Variants in DPYSL3 observed in about 807,000 individuals in gnomAD.
The protein encoded by DPYSL3 is dihydropyrimidinase like 3.
Under a neutral mutation model 66.1 loss-of-function variants are expected in DPYSL3, and 16 were observed. That is an observed-to-expected ratio of 0.24 (90% CI 0.16 to 0.37). DPYSL3 has a LOEUF of 0.37. Among genes scored for constraint, DPYSL3 ranks in the 10% least tolerant of loss-of-function variants. The pLI is 1.00. For synonymous variants in DPYSL3, 338 were observed against 345.1 expected (o/e 0.98, Z 0.23); for missense variants, 738 against 916.2 (o/e 0.81, Z 2.51).
intron 1 of DPYSL3, among the ~76,000 whole-genome samples, chr5:147,443,066 C>T (rs1029471696): frequency 1.3e-5 from 2 of 152,114 alleles, no homozygotes; most frequent in Non-Finnish European, 2.9e-5. Flanking sequence ...AGGTGGGTAC[C>T]ACTTGGGTGT....
At chr5:147,401,492 A>C (rs1259175089) in intron 9 of DPYSL3, 48 bp downstream of exon 9, 6 of 1,561,804 alleles carry the variant, frequency 3.8e-6, no homozygotes, top group Admixed American at 1.9e-5. Context: ...AGCTGGACTC[A>C]AGAGATGTTT....
At chr5:147,394,218 G>A (rs567050468) in intron 13 of DPYSL3, 95 bp from the exon 14 acceptor site, 26 of 1,290,202 alleles carry the variant, frequency 2.0e-5, no homozygotes, top group Non-Finnish European at 2.8e-5. Flanking sequence ...TTTTAAGAGT[G>A]CAAGATATGA....
intron 1 of DPYSL3, among the ~76,000 whole-genome samples, chr5:147,497,250 T>TGGG (rs1435685485): frequency 2.3e-5 from 1 of 42,588 alleles, no homozygotes; most frequent in African/African-American, 9.5e-5. Context: ...GGGACTGTTG[T>TGGG]GGGGTGGGGG....
rs1287744319 is a variant in DPYSL3 at position 147,455,293 on chromosome 5, C to G, written c.382-30330G>C. Reference sequence around the variant, plus strand: ...ACAAAGCCCCCCTTAAACACTCCCTCTCAAGTGAGTTAATCCAAGCTTCTG... The same window carrying G: ...ACAAAGCCCCCCTTAAACACTCCCTGTCAAGTGAGTTAATCCAAGCTTCTG... On this transcript the variant is annotated intron_variant, in intron 1 of 13. Transcript: ENST00000343218. Among the ~76,000 whole-genome samples the G allele has an allele frequency of 2.0e-5, 3 of 152,218 alleles. No homozygotes were observed. The East Asian group carries it at 5.8e-4, about 29-fold the overall frequency.
chr5:147,447,123 G>A (rs182980700), intron 1 of DPYSL3, among the ~76,000 whole-genome samples: 1 of 152,338 alleles, frequency 6.6e-6, no homozygotes. Flanking sequence ...GTTGCTGTGA[G>A]TTAAATGAGA....
chr5:147,411,064 G>A (rs183251211), intron 6 of DPYSL3, among the ~76,000 whole-genome samples: 1 of 152,310 alleles, frequency 6.6e-6, no homozygotes, highest in East Asian at 1.9e-4. Flanking sequence ...TGGTTTCCAG[G>A]GAAGCTGAAA....
At chr5:147,419,749 A>G (rs549227460) in intron 2 of DPYSL3, among the ~76,000 whole-genome samples, 3 of 152,332 alleles carry the variant, frequency 2.0e-5, no homozygotes, top group South Asian at 4.1e-4. Context: ...ACTAAAATAA[A>G]GTATTCCTGA....
chr5:147,469,179 T>C (rs759006921), intron 1 of DPYSL3, among the ~76,000 whole-genome samples: 4 of 152,158 alleles, frequency 2.6e-5, no homozygotes, highest in Non-Finnish European at 5.9e-5. Context: ...ATTTTCCCCT[T>C]CTCCAGTAAT....
At chr5:147,490,221 G>A in intron 1 of DPYSL3, among the ~76,000 whole-genome samples, 1 of 152,146 alleles carries the variant, frequency 6.6e-6, no homozygotes, top group East Asian at 1.9e-4. Context: ...GAAGTAGAAA[G>A]CATCTATCCC....
Position 147,424,926 on chromosome 5 carries a change from T to C in DPYSL3, c.419A>G (p.Asn140Ser), listed in dbSNP as rs1426127055. The change falls in exon 2 of 14, where the codon AAT becomes AGT. Residue 140 changes from asparagine to serine, a missense_variant. Physicochemically the swap from Asn to Ser is conservative, Grantham distance 46. Coordinates refer to ENST00000343218, the MANE Select transcript of DPYSL3 (RefSeq NM_001197294.2). Reference sequence around the variant, plus strand: ...ATCAGCATAAAAGGACTGATCATCATTGACGATTCTGCCTCCCTTGATAAG... The same window carrying C: ...ATCAGCATAAAAGGACTGATCATCACTGACGATTCTGCCTCCCTTGATAAG... ...RLLIKGGRIV[N>S]DDQSFYADIY... 8.1e-6 allele frequency: 13 copies of C among 1,613,308 alleles called. No homozygotes were observed. Among genetic ancestry groups the C allele is most frequent in the Non-Finnish European group, 8.5e-6 (10 of 1,179,632 alleles).
At chr5:147,451,737 G>C (rs959920870) in intron 1 of DPYSL3, among the ~76,000 whole-genome samples, 7 of 152,222 alleles carry the variant, frequency 4.6e-5, no homozygotes, top group African/African-American at 1.4e-4. Flanking sequence ...CTCCAGCATA[G>C]AATAGCATGA....
At chr5:147,488,662 G>A (rs999701607) in intron 1 of DPYSL3, among the ~76,000 whole-genome samples, 1 of 152,128 alleles carries the variant, frequency 6.6e-6, no homozygotes, top group Non-Finnish European at 1.5e-5. Context: ...GCTGCAATGA[G>A]TCATGATTGT....
intron 1 of DPYSL3, among the ~76,000 whole-genome samples, chr5:147,494,064 G>T (rs563036049): frequency 1.1e-4 from 17 of 152,076 alleles, no homozygotes; most frequent in African/African-American, 3.6e-4. Flanking sequence ...GTGGTGGCAG[G>T]CGCCTGTAAT....
At chr5:147,430,233 C>T (rs113823685) in intron 1 of DPYSL3, among the ~76,000 whole-genome samples, 4,260 of 152,062 alleles carry the variant, frequency 0.028, 196 homozygotes, top group African/African-American at 0.097. Context: ...TGGCGGCTCA[C>T]GCCTGTAATC....
rs769157829 is a variant in DPYSL3 at position 147,397,753 on chromosome 5, G to A, written c.1716C>T (p.Asn572=). The A allele has an allele frequency of 1.9e-6, 3 of 1,614,078 alleles. No homozygotes were observed. The highest frequency in any genetic ancestry group is 2.7e-5 in the African/African-American group (2 of 74,928). Residue 572 remains asparagine (N), a synonymous_variant, in exon 12 of 14, where the codon AAC becomes AAT. Coordinates refer to ENST00000343218, the MANE Select transcript of DPYSL3 (RefSeq NM_001197294.2). The part of the protein sequence containing the change: ...CQGKIMLEDG[N]LHVTQGAGRF... ...GGCCAGCCCCCTGGGTCACGTGCAG[G>A]TTGCCATCTTCCAGCATGATCTTGC...
rs1757947442 is a variant in DPYSL3 at position 147,395,658 on chromosome 5, T to C, written c.1867A>G (p.Thr623Ala). Residue 623 changes from threonine to alanine, a missense_variant, in exon 13 of 14, where the codon ACC (threonine) becomes GCC (alanine). Physicochemically the swap from Thr to Ala is moderately conservative, Grantham distance 58 (BLOSUM62 0). Transcript: ENST00000343218. Reference sequence around the variant, plus strand: ...CCTGCGGGGGTGCCACCTTTGGGGGTGGTGGTCAGGTCAAACACAGGCCCA... The same window carrying C: ...CCTGCGGGGGTGCCACCTTTGGGGGCGGTGGTCAGGTCAAACACAGGCCCA... ...YDGPVFDLTT[T>A]PKGGTPAGSA... is the part of the protein sequence containing the mutation. The C allele has an allele frequency of 1.2e-6, 2 of 1,613,246 alleles. No homozygotes were observed. The highest frequency in any genetic ancestry group is 1.7e-6 in the Non-Finnish European group (2 of 1,179,858).
rs983026175 is a variant in DPYSL3, at chr5:147,391,248, C to T, written c.*2787G>A. On this transcript the variant is annotated 3_prime_UTR_variant, in exon 14 of 14. Coordinates refer to ENST00000343218, the MANE Select transcript of DPYSL3 (RefSeq NM_001197294.2). ...ACATGACACTCTCAGTATAGACAGT[C>T]GTGAAGAACAAGGCTGAGGGATTTT... is the stretch of plus-strand genomic sequence containing the variant. 2 of 152,584 alleles carry T rather than the reference C, an allele frequency of 1.3e-5. No individual in the cohort carries two copies. The highest frequency in any genetic ancestry group is 4.8e-5 in the African/African-American group (2 of 41,424). 9.5% of individuals were successfully genotyped at this position (152,584 alleles called of 1,614,324 possible).
chr5:147,462,597 C>T (rs549215391), intron 1 of DPYSL3, among the ~76,000 whole-genome samples: 5 of 152,238 alleles, frequency 3.3e-5, no homozygotes, highest in East Asian at 1.9e-4. Flanking sequence ...GAAGGAAGCA[C>T]AAAGCCTGGT....
At chr5:147,471,529 G>A (rs543064732) in intron 1 of DPYSL3, among the ~76,000 whole-genome samples, 12 of 152,074 alleles carry the variant, frequency 7.9e-5, no homozygotes, top group Admixed American at 2.0e-4. Flanking sequence ...GAAAGAATTC[G>A]ATTGGCTCTG....
Sources: allele counts gnomAD v4.1 joint callset (sites outside exome capture counted in the v4.1 genomes callset), GRCh38; gene constraint gnomAD v4.1.1; transcripts MANE v1.5; gene names NCBI Gene and HGNC (gene_info 2026-07-23, HGNC 2026-07-21).